Variants in SGSM2 observed in about 807,000 individuals in gnomAD.
SGSM2 encodes small G protein signaling modulator 2.
In SGSM2, 89 loss-of-function variants were observed where a neutral mutation model predicts 126.6. The ratio of observed to expected loss-of-function variants is 0.70; its 90% confidence interval spans 0.59 to 0.84. The LOEUF is 0.84. SGSM2 is among the 40% of genes least tolerant of loss of function. The pLI is 0.00. For synonymous variants in SGSM2, 614 were observed against 574.3 expected (o/e 1.07, Z -0.99); for missense variants, 1,404 against 1,416.6 (o/e 0.99, Z 0.14).
In SGSM2 at chr17:2,373,069, G is replaced by A; in HGVS notation, c.1905G>A (p.Lys635=). 1 of 1,610,472 alleles carries A rather than the reference G, an allele frequency of 6.2e-7. No homozygotes were observed. The highest frequency in any genetic ancestry group is 8.5e-7 in the Non-Finnish European group (1 of 1,179,102). ...LGHYKFGMSK[K]EMEQVDAVVA... is the part of the protein sequence containing the mutation. The stretch of plus-strand genomic sequence containing the variant: ...ACTACAAGTTCGGCATGAGCAAGAA[G>A]GAGATGGAGCAGGTGAGGGGAGCCT... Residue 635 remains lysine, a synonymous_variant, in exon 16 of 24, where the codon AAG becomes AAA. Transcript: ENST00000268989.
chr17:2,369,224 T>A (rs1245245343), intron 12 of SGSM2, among the ~76,000 whole-genome samples: 1 of 152,170 alleles, frequency 6.6e-6, no homozygotes, highest in Non-Finnish European at 1.5e-5. Flanking sequence ...AGCTGTTGCT[T>A]TTCAGGCCTG....
intron 2 of SGSM2, among the ~76,000 whole-genome samples, 157 bp from the exon 3 acceptor site, chr17:2,361,480 C>T (rs2429905): frequency 0.7 from 106,533 of 152,116 alleles, 37,572 homozygotes; most frequent in East Asian, 0.76. Flanking sequence ...AGCCGAGGGA[C>T]GGGGAGGGGA....
intron 2 of SGSM2, among the ~76,000 whole-genome samples, chr17:2,345,647 C>T (rs931605462): frequency 2.6e-5 from 4 of 151,172 alleles, no homozygotes; most frequent in African/African-American, 9.7e-5. Context: ...ACAGCTAATT[C>T]CCATTTAAAA....
Position 2,371,276 on chromosome 17 carries a change from A to G in SGSM2, c.1438A>G (p.Ile480Val), listed in dbSNP as rs2065858602. Residue 480 changes from isoleucine (I) to valine (V), a missense_variant, in exon 13 of 24, where the codon ATC (isoleucine) becomes GTC (valine). Coordinates refer to ENST00000268989, the MANE Select transcript of SGSM2 (RefSeq NM_014853.3). ...CCTGCCCGCAGACGCTGGTGACATG[A>G]TCGAGATGCAGGGCTTTGGGCCCAG... The part of the protein sequence containing the change: ...PNPMKDAGDM[I>V]EMQGFGPSLP... 3.7e-6 allele frequency: 6 copies of G among 1,611,834 alleles called. No homozygotes were observed. Among genetic ancestry groups the G allele is most frequent in the Admixed American group, 1.7e-5 (1 of 59,956 alleles).
At chr17:2,354,885 AGCGTTGGG>A (rs1437390449) in intron 2 of SGSM2, among the ~76,000 whole-genome samples, 119 of 137,062 alleles carry the variant, frequency 8.7e-4, no homozygotes, top group Non-Finnish European at 1.2e-3. Flanking sequence ...TCGGGGTGTA[AGCGTTGGG>A]GAAGGGACCC....
intron 2 of SGSM2, among the ~76,000 whole-genome samples, chr17:2,353,274 A>G (rs1157960017): frequency 6.6e-6 from 1 of 152,022 alleles, no homozygotes; most frequent in Non-Finnish European, 1.5e-5. Flanking sequence ...TTGTTGAGGG[A>G]GGAGGTGAAA....
chr17:2,368,038 C>T lies in SGSM2; in HGVS notation c.1423+633C>T, dbSNP rs112289102. ...CTCAGGGCCTGGCAACATGAACTCCCGCCCCAGATATGCCCCTGGTTCACT... is the reference window on the plus strand; with the variant it reads ...CTCAGGGCCTGGCAACATGAACTCCTGCCCCAGATATGCCCCTGGTTCACT... On this transcript the variant is annotated intron_variant, in intron 12 of 23. Transcript: ENST00000268989. 7.3e-3 allele frequency among the ~76,000 whole-genome samples: 1,107 copies of T among 152,296 alleles called. 17 individuals are homozygous for T. The highest frequency in any genetic ancestry group is 0.026 in the African/African-American group (1,061 of 41,552).
chr17:2,350,308 C>T (rs2064793282), intron 2 of SGSM2, among the ~76,000 whole-genome samples: 1 of 151,714 alleles, frequency 6.6e-6, no homozygotes. Context: ...GGAGGAGCGT[C>T]TTTGAAAAGG....
chr17:2,364,606 G>A lies in SGSM2; in HGVS notation c.943G>A (p.Asp315Asn). 1 of 1,614,216 alleles carries A rather than the reference G, an allele frequency of 6.2e-7. No homozygotes were observed. ...DSELEKSVYW[D>N]YALVVPFSQV... ...CTGGTTCCTTTCTAGCGTTTACTGGGACTATGCCCTCGTGGTGCCCTTCAG... is the reference window on the plus strand; with the variant it reads ...CTGGTTCCTTTCTAGCGTTTACTGGAACTATGCCCTCGTGGTGCCCTTCAG... The change falls in exon 9 of 24, where the codon GAC becomes AAC. Residue 315 changes from aspartate (D) to asparagine (N), a missense_variant. Asp to Asn is a conservative substitution (Grantham distance 23). Transcript: ENST00000268989.
chr17:2,345,160 T>C (rs1468958374), intron 2 of SGSM2, among the ~76,000 whole-genome samples: 1 of 151,978 alleles, frequency 6.6e-6, no homozygotes, highest in Non-Finnish European at 1.5e-5. Flanking sequence ...ATAAGCAACT[T>C]TGAAGAGTAT....
rs1053147802 is a variant in SGSM2 at position 2,372,879 on chromosome 17, G to A, written c.1789-74G>A. The A allele has an allele frequency of 3.4e-5, 52 of 1,519,846 alleles. No homozygotes were observed. Among genetic ancestry groups the A allele is most frequent in the East Asian group, 4.9e-5 (2 of 40,636 alleles). 94.1% of individuals were successfully genotyped at this position (1,519,846 alleles called of 1,614,324 possible). A position where few individuals can be genotyped will look rare whatever the true frequency, so the allele number is the denominator to read the frequency against. On this transcript the variant is annotated intron_variant, in intron 15 of 23. Coordinates refer to ENST00000268989, the MANE Select transcript of SGSM2 (RefSeq NM_014853.3). The surrounding 1 kb of genome is among the most constrained non-coding windows in gnomAD (Gnocchi z 6.0). ...CAGGCCCCGCCCCAGCCCATTCTCC[G>A]TGGGATGGGGCTCACCCAGCTGGGC...
chr17:2,380,225 A>T lies in SGSM2; in HGVS notation c.*705A>T. ...ACAGTGTACCTCTGTGTATCTGTAC[A>T]GCCTCGCTCCTGCCACCCCACCCTT... On this transcript the variant is annotated 3_prime_UTR_variant, in exon 24 of 24. Coordinates refer to ENST00000268989, the MANE Select transcript of SGSM2 (RefSeq NM_014853.3). The T allele has an allele frequency of 6.5e-7, 1 of 1,535,828 alleles. No individual in the cohort carries two copies. Among genetic ancestry groups the T allele is most frequent in the Non-Finnish European group, 8.7e-7 (1 of 1,146,754 alleles).
At position 2,337,808 on chromosome 17, in the gene SGSM2, A is replaced by C; in HGVS notation, c.57+63A>C. On this transcript the variant is annotated intron_variant, in intron 1 of 23. Transcript: ENST00000268989. This position sits in a 1 kb window ranked among gnomAD's most constrained non-coding sequence, Gnocchi z 5.1. ...TGGCCCGCGCGGCCCAGGGGGCAGA[A>C]AGGTCCGCGCCCACCCCCCGGCGCG... is the stretch of plus-strand genomic sequence containing the variant. 1 of 1,318,280 alleles carries C rather than the reference A, an allele frequency of 7.6e-7. No individual in the cohort carries two copies. The highest frequency in any genetic ancestry group is 1.0e-6 in the Non-Finnish European group (1 of 984,744). 81.7% of individuals were successfully genotyped at this position (1,318,280 alleles called of 1,614,324 possible). A position where few individuals can be genotyped will look rare whatever the true frequency, so the allele number is the denominator to read the frequency against.
chr17:2,379,704 G>A lies in SGSM2; in HGVS notation c.*184G>A. On this transcript the variant is annotated 3_prime_UTR_variant, in exon 24 of 24. Coordinates refer to ENST00000268989, the MANE Select transcript of SGSM2 (RefSeq NM_014853.3). ...TGCAGGGCAAGTCAGGGGCCAGGATGCCCTCGGATCAGGGCCGGGATGGGA... is the reference window on the plus strand; with the variant it reads ...TGCAGGGCAAGTCAGGGGCCAGGATACCCTCGGATCAGGGCCGGGATGGGA... 3.5e-6 allele frequency: 5 copies of A among 1,422,908 alleles called. No homozygotes were observed. In the South Asian group the frequency reaches 7.5e-5, roughly 21 times the overall value. The allele number at this position is 1,422,908 out of a possible 1,614,324, so 88.1% of individuals were successfully genotyped here.
chr17:2,341,283 A>G (rs2064358830), intron 1 of SGSM2, among the ~76,000 whole-genome samples: 1 of 152,000 alleles, frequency 6.6e-6, no homozygotes, highest in African/African-American at 2.4e-5. Context: ...ATGCTTGGCT[A>G]ATTTTTGTAT....
Position 2,380,129 on chromosome 17 carries a change from G to A in SGSM2, c.*609G>A, listed in dbSNP as rs2066349956. On this transcript the variant is annotated 3_prime_UTR_variant, in exon 24 of 24. Transcript: ENST00000268989. ...CGGAAGATGTGGGCCCTGGGTGGGA[G>A]CAGCCCACTTCAGCAGCACTGCCAC... 2.1e-6 allele frequency: 3 copies of A among 1,421,642 alleles called. No individual in the cohort carries two copies. The highest frequency in any genetic ancestry group is 3.0e-5 in the South Asian group (2 of 66,164). The allele number at this position is 1,421,642 out of a possible 1,614,324, so 88.1% of individuals were successfully genotyped here.
At chr17:2,354,987 T>G (rs1435942836) in intron 2 of SGSM2, among the ~76,000 whole-genome samples, 1 of 35,468 alleles carries the variant, frequency 2.8e-5, no homozygotes, top group Non-Finnish European at 5.3e-5. Flanking sequence ...GGTGTAAGGG[T>G]TGGGGGAAGG....
In SGSM2 at chr17:2,365,076, T is replaced by G. The variant is rs755238699; in HGVS notation, c.1161+19T>G. The G allele has an allele frequency of 1.2e-6, 2 of 1,609,244 alleles. No individual in the cohort carries two copies. Among genetic ancestry groups the G allele is most frequent in the East Asian group, 4.5e-5 (2 of 44,758 alleles). ...AGGGAAGGTAACTCGGGTGGGAGGC[T>G]TTAGGGGAAGGGCTGTGTGTGGGGT... On this transcript the variant is annotated intron_variant, in intron 10 of 23. Transcript: ENST00000268989.
intron 1 of SGSM2, among the ~76,000 whole-genome samples, chr17:2,340,831 A>C (rs958080763): frequency 9.2e-5 from 14 of 151,734 alleles, no homozygotes; most frequent in African/African-American, 1.9e-4. Context: ...TGATCCGCCC[A>C]CCTTGGCCTC....
Sources: gnomAD v4.1 joint callset for allele counts (sites outside exome capture counted in the v4.1 genomes callset) on GRCh38, gnomAD v4.1.1 for gene constraint, Gnocchi (gnomAD v3.1) non-coding constraint, MANE v1.5 for transcripts, NCBI Gene and HGNC (gene_info 2026-07-23, HGNC 2026-07-21) for gene names.